DSP: variants seen among roughly 807,000 people sequenced by gnomAD.
DSP encodes 250/210 kDa paraneoplastic pemphigus antigen.
DSP carries 114 observed loss-of-function variants against 290.6 expected under a neutral mutation model. The ratio of observed to expected loss-of-function variants is 0.39; its 90% confidence interval spans 0.34 to 0.46. The LOEUF (loss-of-function observed/expected upper bound fraction) is 0.46, where lower values mean the gene tolerates loss of function less well. DSP is among the 20% of genes least tolerant of loss of function. The pLI, the probability that DSP is intolerant of heterozygous loss-of-function variation, is 0.99. For missense variants in DSP, 3,230 were observed against 3,495.8 expected, an observed-to-expected ratio of 0.92 and a Z score of 1.92; for synonymous variants, 1,311 against 1,316.4, an observed-to-expected ratio of 1.00 and a Z score of 0.09.
In DSP at chr6:7,575,497, G is replaced by T; in HGVS notation, c.2630+9G>T. The stretch of plus-strand genomic sequence containing the variant: ...AAACAGATCGACTTTAGGTATGCCA[G>T]CCTCCTCCCGCTCCTTCCCCATCTT... On this transcript the variant is annotated intron_variant, in intron 18 of 23. Coordinates refer to ENST00000379802, the MANE Select transcript of DSP (RefSeq NM_004415.4). The T allele has an allele frequency of 6.2e-7, 1 of 1,614,108 alleles. No homozygotes were observed. Among genetic ancestry groups the T allele is most frequent in the Non-Finnish European group, 8.5e-7 (1 of 1,179,982 alleles).
chr6:7,577,093 C>T, intron 20 of DSP, 51 bp downstream of exon 20: 1 of 1,428,244 alleles, frequency 7.0e-7, no homozygotes, highest in Non-Finnish European at 9.8e-7. Flanking sequence ...TTATTATTAA[C>T]TGCATGACTT....
Position 7,558,142 on chromosome 6 carries a change from A to T in DSP, c.300A>T (p.Gln100His), listed in dbSNP as rs749048839. The part of the protein sequence containing the change: ...QPELKYGDGI[Q>H]LTRSRELDEC... Reference sequence around the variant, plus strand: ...AATTGAAGTATGGAGATGGAATACAACTGACTCGGAGTCGAGAATTGGATG... The same window carrying T: ...AATTGAAGTATGGAGATGGAATACATCTGACTCGGAGTCGAGAATTGGATG... Residue 100 changes from glutamine (Q) to histidine (H), a missense_variant, in exon 3 of 24, where the codon CAA (glutamine) becomes CAT (histidine). Gln to His is a conservative substitution (Grantham distance 24, BLOSUM62 0). This residue lies in a region of DSP where 646 missense variants were observed against 684.3 expected (regional missense o/e 0.94). Coordinates refer to ENST00000379802, the MANE Select transcript of DSP (RefSeq NM_004415.4). 1.5e-5 allele frequency: 25 copies of T among 1,614,224 alleles called. No homozygotes were observed. The South Asian group carries it at 2.4e-4, about 16-fold the overall frequency.
intron 1 of DSP, among the ~76,000 whole-genome samples, chr6:7,544,232 A>C (rs1004517034): frequency 1.3e-5 from 2 of 152,188 alleles, no homozygotes; most frequent in African/African-American, 4.8e-5. Flanking sequence ...AAAATAGCCC[A>C]CAAATGCTGA....
Position 7,562,745 on chromosome 6 carries a change from T to A in DSP, c.691T>A (p.Tyr231Asn). The A allele has an allele frequency of 6.2e-7, 1 of 1,614,180 alleles. No individual in the cohort carries two copies. The highest frequency in any genetic ancestry group is 8.5e-7 in the Non-Finnish European group (1 of 1,180,014). The change falls in exon 5 of 24, where the codon TAT (tyrosine) becomes AAT (asparagine). Residue 231 changes from tyrosine to asparagine, a missense_variant. This residue lies in a region of DSP where 646 missense variants were observed against 684.3 expected (regional missense o/e 0.94). Transcript: ENST00000379802. ...HRGIHNSIGD[Y>N]RWQLDKIKAD... is the part of the protein sequence containing the mutation. ...GGGCATCCACAACTCCATCGGCGAC[T>A]ATCGCTGGCAGCTGGACAAAATCAA...
At chr6:7,544,426 A>C (rs745407870) in intron 1 of DSP, among the ~76,000 whole-genome samples, 13 of 151,844 alleles carry the variant, frequency 8.6e-5, no homozygotes, top group African/African-American at 2.9e-4. Context: ...TAAGAATTTC[A>C]TAAGTATTTT....
rs1581814315 is a variant in DSP, at chr6:7,578,572, A to G, written c.3084+10A>G. On this transcript the variant is annotated intron_variant, in intron 22 of 23. Coordinates refer to ENST00000379802, the MANE Select transcript of DSP (RefSeq NM_004415.4). ...TTTGGAAGATCTGAAGGTAATTTAT[A>G]CTGTCTTTTCTTGTAGCGTCAAAAA... The G allele has an allele frequency of 6.2e-7, 1 of 1,604,310 alleles. No homozygotes were observed. The highest frequency in any genetic ancestry group is 1.3e-5 in the African/African-American group (1 of 74,818).
intron 1 of DSP, among the ~76,000 whole-genome samples, chr6:7,551,153 T>C (rs1434878981): frequency 6.6e-6 from 1 of 152,176 alleles, no homozygotes; most frequent in Non-Finnish European, 1.5e-5. Context: ...AGAATGAGTT[T>C]GGTCATTTCC....
At chr6:7,547,622 A>C (rs1758205127) in intron 1 of DSP, among the ~76,000 whole-genome samples, 1 of 149,494 alleles carries the variant, frequency 6.7e-6, no homozygotes. Flanking sequence ...TTTTTTGTAG[A>C]GACAAGGTCT....
chr6:7,581,829 A>G (rs1478621584), intron 23 of DSP, among the ~76,000 whole-genome samples: 1 of 152,194 alleles, frequency 6.6e-6, no homozygotes, highest in East Asian at 1.9e-4. Flanking sequence ...TAAGAACACT[A>G]ATACATGTAT....
Position 7,569,147 on chromosome 6 carries a change from T to C in DSP, c.1420-39T>C, listed in dbSNP as rs143727664. ...GAGAAAAAAAATAAAAACACATACT[T>C]ATGAATAAAGCCAAACCCTGGGGTT... On this transcript the variant is annotated intron_variant, in intron 11 of 23. Coordinates refer to ENST00000379802, the MANE Select transcript of DSP (RefSeq NM_004415.4). 492 of 1,613,996 alleles carry C rather than the reference T, an allele frequency of 3.0e-4. 6 individuals carry two copies. The East Asian group carries it at 8.2e-3, about 27-fold the overall frequency.
At chr6:7,567,689 T>C (rs2113672911) in intron 9 of DSP, 92 bp from the exon 10 acceptor site, 12 of 1,585,672 alleles carry the variant, frequency 7.6e-6, no homozygotes, top group Non-Finnish European at 1.0e-5. Context: ...GTCAAAGAGA[T>C]GTTTAGGGAT....
Position 7,551,353 on chromosome 6 carries a change from G to A in DSP, c.171-4365G>A, listed in dbSNP as rs1296779823. ...AAAAATGCATGTTTCCTGGCTGGGA[G>A]TGGTGCCTCCCATCTGTAATCCCAG... On this transcript the variant is annotated intron_variant, in intron 1 of 23. Coordinates refer to ENST00000379802, the MANE Select transcript of DSP (RefSeq NM_004415.4). 2.6e-5 allele frequency among the ~76,000 whole-genome samples: 4 copies of A among 152,246 alleles called. No homozygotes were observed. The East Asian group carries it at 7.8e-4, about 30-fold the overall frequency.
chr6:7,569,402 G>C, intron 12 of DSP, 62 bp downstream of exon 12: 1 of 1,612,574 alleles, frequency 6.2e-7, no homozygotes, highest in Admixed American at 1.7e-5. Context: ...AGAGGAAGAG[G>C]GCAGGTGTTT....
rs139969658 is a variant in DSP, at chr6:7,585,738, C to G, written c.8476C>G (p.Arg2826Gly). 1.9e-6 allele frequency: 3 copies of G among 1,609,720 alleles called. No homozygotes were observed. The highest frequency in any genetic ancestry group is 4.5e-5 in the East Asian group (2 of 44,824). Residue 2826 changes from arginine to glycine, a missense_variant, in exon 24 of 24, where the codon CGC becomes GGC. Physicochemically the swap from Arg to Gly is moderately radical, Grantham distance 125. Coordinates refer to ENST00000379802, the MANE Select transcript of DSP (RefSeq NM_004415.4). Reference protein sequence around the residue: ...PYNMSSAPGSRSGSRSGSRSG... With the variant: ...PYNMSSAPGSGSGSRSGSRSG... ...CAACATGTCTTCGGCTCCGGGGTCC[C>G]GCTCCGGCTCCCGCTCGGGATCTCG...
Position 7,565,334 on chromosome 6 carries a change from T to A in DSP, c.778-25T>A. 6.2e-7 allele frequency: 1 copy of A among 1,613,766 alleles called. No individual in the cohort carries two copies. The highest frequency in any genetic ancestry group is 1.1e-5 in the South Asian group (1 of 91,072). On this transcript the variant is annotated intron_variant, in intron 6 of 23. Transcript: ENST00000379802. This position sits in a 1 kb window ranked among gnomAD's most constrained non-coding sequence, Gnocchi z 4.2. ...CAGTCACTGCATATTGTTATTTTAA[T>A]GCTGCCTTTGAACCTCCTGTGCAGA...
rs747699622 is a variant in DSP, at chr6:7,574,267, C to CA, written c.2297+16dup. 1 of 1,612,046 alleles carries CA rather than the reference C, an allele frequency of 6.2e-7. No homozygotes were observed. The highest frequency in any genetic ancestry group is 8.5e-7 in the Non-Finnish European group (1 of 1,179,088). On this transcript the variant is annotated intron_variant, in intron 16 of 23. Coordinates refer to ENST00000379802, the MANE Select transcript of DSP (RefSeq NM_004415.4). ...TACTTAAATAGGTAAACTCAGCTAA[C>CA]ACTAATCTCATATTTTCCTTTTCTC...
rs753466090 is a variant in DSP, at chr6:7,552,553, A to C, written c.171-3165A>C. ...ACTCCAGCCTGGGTGACAGAGCAAG[A>C]CTCCATCTCGGAAAAAAAAAAAAAA... On this transcript the variant is annotated intron_variant, in intron 1 of 23. Transcript: ENST00000379802. Among the ~76,000 whole-genome samples the C allele has an allele frequency of 8.2e-4, 119 of 145,126 alleles. 1 individual carries two copies. The highest frequency in any genetic ancestry group is 2.0e-4 in the Non-Finnish European group (13 of 66,192).
Position 7,580,208 on chromosome 6 carries a change from C to T in DSP, c.4018C>T (p.Arg1340Cys), listed in dbSNP as rs768628788. The T allele has an allele frequency of 2.4e-5, 39 of 1,613,808 alleles. No individual in the cohort carries two copies. The highest frequency in any genetic ancestry group is 4.5e-5 in the East Asian group (2 of 44,882). ...LKAEFQEEAKRRWEYENELSK... is the reference protein window; with the variant it reads ...LKAEFQEEAKCRWEYENELSK... ...AGCTGAGTTTCAGGAGGAGGCCAAG[C>T]GCCGCTGGGAATATGAAAATGAACT... Residue 1340 changes from arginine to cysteine, a missense_variant, in exon 23 of 24, where the codon CGC becomes TGC. By Grantham distance (180) the Arg-to-Cys change is radical. Around this residue, in one of 5 missense-constraint regions of DSP, gnomAD observed 1,714 missense variants for 1,844.5 expected, o/e 0.93. Coordinates refer to ENST00000379802, the MANE Select transcript of DSP (RefSeq NM_004415.4). This position sits in a 1 kb window ranked among gnomAD's most constrained non-coding sequence, Gnocchi z 4.2.
intron 1 of DSP, among the ~76,000 whole-genome samples, chr6:7,549,519 T>G (rs1336378032): frequency 1.3e-5 from 2 of 152,218 alleles, no homozygotes; most frequent in Non-Finnish European, 2.9e-5. Flanking sequence ...TTATGAAAGA[T>G]CCTTTCAAGA....
Sources: allele counts gnomAD v4.1 joint callset (sites outside exome capture counted in the v4.1 genomes callset), GRCh38; gene constraint gnomAD v4.1.1; regional missense constraint gnomAD v4.1.1; non-coding constraint Gnocchi (gnomAD v3.1); transcripts MANE v1.5; gene names NCBI Gene and HGNC (gene_info 2026-07-23, HGNC 2026-07-21).